Variants in WDR37 observed in about 807,000 individuals in gnomAD.
The protein encoded by WDR37 is WD repeat-containing protein 37.
A neutral mutation model predicts 62.9 loss-of-function variants in WDR37; 19 were observed. The ratio of observed to expected loss-of-function variants is 0.30; its 90% CI spans 0.21 to 0.44. The LOEUF (loss-of-function observed/expected upper bound fraction) is 0.44, where lower values mean the gene tolerates loss of function less well. WDR37 is among the 20% of genes least tolerant of loss of function. The pLI is 1.00. For synonymous variants in WDR37, 250 were observed against 260.9 expected (o/e 0.96, Z 0.40); for missense variants, 474 against 657.6 (o/e 0.72, Z 3.05).
rs1589131559 is a variant in WDR37, at chr10:1,131,975, T to C, written c.*2631T>C. 1.3e-5 allele frequency: 2 copies of C among 152,800 alleles called. No homozygotes were observed. Among genetic ancestry groups the C allele is most frequent in the African/African-American group, 4.8e-5 (2 of 41,598 alleles). The allele number at this position is 152,800 out of a possible 1,614,324, so 9.5% of individuals were successfully genotyped here. A position where few individuals can be genotyped will look rare whatever the true frequency, so the allele number is the denominator to read the frequency against. ...AAAACTCTGTACATATTTTGGAATC[T>C]GAAGAATCCTATGTAAATCATTTGT... On this transcript the variant is annotated 3_prime_UTR_variant, in exon 14 of 14. Transcript: ENST00000263150.
At chr10:1,101,345 C>T (rs1834794560) in intron 9 of WDR37, among the ~76,000 whole-genome samples, 1 of 152,200 alleles carries the variant, frequency 6.6e-6, no homozygotes, top group Non-Finnish European at 1.5e-5. Context: ...TTCCATGGCT[C>T]ATAGATGGCG....
chr10:1,059,328 A>G (rs1273244875), intron 1 of WDR37, among the ~76,000 whole-genome samples: 1 of 152,216 alleles, frequency 6.6e-6, no homozygotes, highest in East Asian at 1.9e-4. Context: ...GTTAGCCGAG[A>G]TCACGCCACT....
At chr10:1,064,382 G>C (rs1833471997) in intron 1 of WDR37, among the ~76,000 whole-genome samples, 1 of 152,146 alleles carries the variant, frequency 6.6e-6, no homozygotes, top group African/African-American at 2.4e-5. Context: ...GGGAAAACGT[G>C]TCTGAAGAAA....
At chr10:1,089,855 C>A (rs1009381795) in intron 7 of WDR37, among the ~76,000 whole-genome samples, 45 of 152,210 alleles carry the variant, frequency 3.0e-4, no homozygotes, top group Non-Finnish European at 8.8e-5. Flanking sequence ...ATGCCTTCTG[C>A]ATTTAGAGAG....
At chr10:1,075,561 A>G (rs1021158214) in intron 2 of WDR37, among the ~76,000 whole-genome samples, 19 of 152,052 alleles carry the variant, frequency 1.2e-4, no homozygotes, top group Non-Finnish European at 2.4e-4. Flanking sequence ...TAGTTGCTGA[A>G]CAATAAGAGC....
chr10:1,084,645 G>A (rs531168660), intron 6 of WDR37, 107 bp downstream of exon 6: 27 of 1,501,344 alleles, frequency 1.8e-5, no homozygotes, highest in Admixed American at 3.8e-5. Context: ...ATGCAAAAGC[G>A]TCATGGAGGA....
chr10:1,126,809 C>T (rs531433532), intron 13 of WDR37, among the ~76,000 whole-genome samples: 14 of 152,360 alleles, frequency 9.2e-5, no homozygotes, highest in African/African-American at 3.4e-4. Context: ...ATGAGCTTCC[C>T]TGAGACCGGG....
intron 7 of WDR37, among the ~76,000 whole-genome samples, chr10:1,087,603 T>A (rs1449754190): frequency 6.6e-6 from 1 of 152,188 alleles, no homozygotes; most frequent in African/African-American, 2.4e-5. Context: ...TGTATTATGA[T>A]AGGTGTAGGT....
At chr10:1,087,495 C>T (rs1365276886) in intron 7 of WDR37, among the ~76,000 whole-genome samples, 2 of 152,228 alleles carry the variant, frequency 1.3e-5, no homozygotes, top group East Asian at 3.9e-4. Context: ...CCCTGGGCTA[C>T]AGAATGGATG....
At position 1,126,364 on chromosome 10, in the gene WDR37, C is replaced by T. The variant is rs558720268; in HGVS notation, c.1353+1340C>T. On this transcript the variant is annotated intron_variant, in intron 13 of 13. Transcript: ENST00000263150. Reference sequence around the variant, plus strand: ...GAGCTTGCAGTGAGCTGAGATCGCGCCACTGCACTCCAGCCTGGGCGACAG... The same window carrying T: ...GAGCTTGCAGTGAGCTGAGATCGCGTCACTGCACTCCAGCCTGGGCGACAG... Among the ~76,000 whole-genome samples the T allele has an allele frequency of 5.6e-4, 84 of 150,692 alleles. 1 individual carries two copies. Among genetic ancestry groups the T allele is most frequent in the African/African-American group, 1.6e-3 (64 of 40,846 alleles).
intron 1 of WDR37, among the ~76,000 whole-genome samples, chr10:1,069,387 A>ATTTTTTTTTTTTTTTT (rs1368989652): frequency 3.6e-4 from 11 of 30,432 alleles, no homozygotes; most frequent in Non-Finnish European, 6.5e-4. Flanking sequence ...ATATATATAT[A>ATTTTTTTTTTTTTTTT]TATTTTTTTT....
At chr10:1,119,856 A>G (rs1564512747) in intron 11 of WDR37, among the ~76,000 whole-genome samples, 1 of 152,146 alleles carries the variant, frequency 6.6e-6, no homozygotes, top group Non-Finnish European at 1.5e-5. Context: ...TAGTTGGGAA[A>G]TCTCTCATTA....
Position 1,105,379 on chromosome 10 carries a change from C to A in WDR37, c.1103+112C>A. The A allele has an allele frequency of 7.6e-7, 1 of 1,314,928 alleles. No individual in the cohort carries two copies. The highest frequency in any genetic ancestry group is 1.0e-6 in the Non-Finnish European group (1 of 971,954). The allele number at this position is 1,314,928 out of a possible 1,614,324, so 81.5% of individuals were successfully genotyped here. On this transcript the variant is annotated intron_variant, in intron 11 of 13. Coordinates refer to ENST00000263150, the MANE Select transcript of WDR37 (RefSeq NM_014023.4). The surrounding 1 kb of genome is among the most constrained non-coding windows in gnomAD (Gnocchi z 5.3). The stretch of plus-strand genomic sequence containing the variant: ...CAGTATTTCCGACTCTACTATCTTT[C>A]AAAAAAATAACTACCTTTCAAATTC...
chr10:1,128,996 C>T (rs1011513710), intron 13 of WDR37, among the ~76,000 whole-genome samples: 4 of 144,666 alleles, frequency 2.8e-5, no homozygotes, highest in African/African-American at 5.6e-5. Context: ...GGCCCATGCA[C>T]GGTGGTCCAT....
chr10:1,103,581 T>C lies in WDR37; in HGVS notation c.727-21T>C. On this transcript the variant is annotated intron_variant, in intron 9 of 13. Coordinates refer to ENST00000263150, the MANE Select transcript of WDR37 (RefSeq NM_014023.4). This position sits in a 1 kb window ranked among gnomAD's most constrained non-coding sequence, Gnocchi z 6.3. ...ATTTCCAGGAAATGTCTTTCTTTTC[T>C]GGCCTTCCCTTTGGCAGCAGATATC... 1 of 1,610,174 alleles carries C rather than the reference T, an allele frequency of 6.2e-7. No homozygotes were observed. The highest frequency in any genetic ancestry group is 8.5e-7 in the Non-Finnish European group (1 of 1,176,918).
At chr10:1,079,047 C>A (rs948708916) in intron 3 of WDR37, among the ~76,000 whole-genome samples, 26 of 151,850 alleles carry the variant, frequency 1.7e-4, no homozygotes, top group African/African-American at 6.0e-4. Flanking sequence ...TTTAAAGAGT[C>A]CACCTTTACA....
chr10:1,104,400 C>CTTG (rs1834919130), intron 10 of WDR37, among the ~76,000 whole-genome samples: 1 of 152,250 alleles, frequency 6.6e-6, no homozygotes, highest in Admixed American at 6.5e-5. Flanking sequence ...CTGCACAGGG[C>CTTG]TTGCCTTTCC....
At chr10:1,066,270 C>G (rs548528962) in intron 1 of WDR37, among the ~76,000 whole-genome samples, 1 of 152,114 alleles carries the variant, frequency 6.6e-6, no homozygotes, top group African/African-American at 2.4e-5. Flanking sequence ...TGCCTGCCAC[C>G]ACGCCCTGCT....
intron 7 of WDR37, among the ~76,000 whole-genome samples, chr10:1,091,336 C>T (rs187297540): frequency 3.9e-5 from 6 of 152,182 alleles, no homozygotes; most frequent in Non-Finnish European, 8.8e-5. Context: ...GTCTAGTGAT[C>T]GTTTGGTTTT....
Sources: gnomAD v4.1 joint callset for allele counts (sites outside exome capture counted in the v4.1 genomes callset) on GRCh38, gnomAD v4.1.1 for gene constraint, Gnocchi (gnomAD v3.1) non-coding constraint, MANE v1.5 for transcripts, NCBI Gene and HGNC (gene_info 2026-07-23, HGNC 2026-07-21) for gene names.